Variants in SH2D6 observed in about 807,000 individuals in gnomAD.
SH2D6 encodes the protein SH2 domain containing 6, also known as SH2 domain-containing protein 6.
SH2D6 carries 31 observed loss-of-function variants against 30.2 expected under a neutral mutation model. The ratio of observed to expected loss-of-function variants is 1.03; its 90% confidence interval spans 0.77 to 1.38. The LOEUF is 1.38. Ranked by LOEUF, SH2D6 falls within the 40% of genes most tolerant of loss-of-function variation. SH2D6 has a pLI of 0.00. For synonymous variants in SH2D6, 93 were observed against 104.6 expected (o/e 0.89, Z 0.68); for missense variants, 240 against 266.8 (o/e 0.90, Z 0.70).
intron 14 of SH2D6, among the ~76,000 whole-genome samples, chr2:85,432,610 C>T (rs966268196): frequency 6.6e-6 from 1 of 151,920 alleles, no homozygotes; most frequent in Non-Finnish European, 1.5e-5. Context: ...CCGTGTTAGC[C>T]AGGATGGTCT....
At chr2:85,435,530 AC>A in intron 21 of SH2D6, 34 bp downstream of exon 21, 1 of 1,606,498 alleles carries the variant, frequency 6.2e-7, no homozygotes, top group Non-Finnish European at 8.5e-7. Context: ...CTTCTCCAAA[AC>A]CCCTTTTGCT....
intron 2 of SH2D6, among the ~76,000 whole-genome samples, chr2:85,419,956 T>C (rs758649065): frequency 6.6e-6 from 1 of 152,220 alleles, no homozygotes; most frequent in Non-Finnish European, 1.5e-5. Context: ...GGTTTGGTTT[T>C]CTGAGTGTTT....
At position 85,436,526 on chromosome 2, in the gene SH2D6, G is replaced by A; in HGVS notation, c.952G>A (p.Asp318Asn). 1 of 1,613,726 alleles carries A rather than the reference G, an allele frequency of 6.2e-7. No individual in the cohort carries two copies. Among genetic ancestry groups the A allele is most frequent in the South Asian group, 1.1e-5 (1 of 91,088 alleles). The stretch of plus-strand genomic sequence containing the variant: ...CATGTGGCACCCTCTGCCCCTTGTG[G>A]ACAGACACAGCGGCAGCCGGGAACT... ...HFMWHPLPLVDRHSGSRELTC... is the reference protein window; with the variant it reads ...HFMWHPLPLVNRHSGSRELTC... Residue 318 changes from aspartate (D) to asparagine (N), a missense_variant, in exon 23 of 24, where the codon GAC (aspartate) becomes AAC (asparagine). Transcript: ENST00000469800.
At chr2:85,435,162 C>A (rs775277017) in intron 20 of SH2D6, 39 bp downstream of exon 20, 1 of 1,591,528 alleles carries the variant, frequency 6.3e-7, no homozygotes, top group Non-Finnish European at 8.6e-7. Flanking sequence ...GGAGAGGTTC[C>A]GGGAGCAGAG....
intron 2 of SH2D6, chr2:85,420,990 G>A (rs1687729649): frequency 6.6e-6 from 1 of 152,468 alleles, no homozygotes; most frequent in East Asian, 1.9e-4. Context: ...GAGGGAGGGT[G>A]ATCTCAGGGC....
At chr2:85,434,982 C>A (rs1427675918) in intron 19 of SH2D6, 83 bp from the exon 20 acceptor site, 1 of 1,562,400 alleles carries the variant, frequency 6.4e-7, no homozygotes, top group Non-Finnish European at 8.7e-7. Context: ...ACCCCCCACC[C>A]CCGCAGCTGT....
intron 21 of SH2D6, 45 bp downstream of exon 21, chr2:85,435,541 T>C: frequency 6.2e-7 from 1 of 1,604,172 alleles, no homozygotes. Context: ...CCCCTTTTGC[T>C]CACAGGCTGT....
At chr2:85,432,607 A>G (rs1688867089) in intron 14 of SH2D6, among the ~76,000 whole-genome samples, 1 of 151,908 alleles carries the variant, frequency 6.6e-6, no homozygotes, top group East Asian at 1.9e-4. Flanking sequence ...TCACCGTGTT[A>G]GCCAGGATGG....
chr2:85,435,238 C>T, intron 20 of SH2D6, 115 bp downstream of exon 20: 1 of 1,281,088 alleles, frequency 7.8e-7, no homozygotes, highest in Non-Finnish European at 1.1e-6. Context: ...ACACATTGAA[C>T]ACACGTGTGC....
chr2:85,423,874 C>T (rs1250382160), intron 5 of SH2D6, among the ~76,000 whole-genome samples: 1 of 152,266 alleles, frequency 6.6e-6, no homozygotes, highest in Non-Finnish European at 1.5e-5. Flanking sequence ...CTGGCTTTAA[C>T]TTGAACCCAA....
In SH2D6 at chr2:85,436,593, A is replaced by G; in HGVS notation, c.*11A>G. On this transcript the variant is annotated splice_region_variant and 3_prime_UTR_variant, in exon 23 of 24. Coordinates refer to ENST00000469800, the MANE Select transcript of SH2D6 (RefSeq NM_001394463.1). Reference sequence around the variant, plus strand: ...CCCACCAAGCCTTGAGGCCACAGCGAAGTACACACCGCCTTTGGCCCCAGT... The same window carrying G: ...CCCACCAAGCCTTGAGGCCACAGCGGAGTACACACCGCCTTTGGCCCCAGT... 1 of 1,610,212 alleles carries G rather than the reference A, an allele frequency of 6.2e-7. No individual in the cohort carries two copies.
chr2:85,423,798 A>G (rs531539572), intron 5 of SH2D6, among the ~76,000 whole-genome samples: 3 of 152,210 alleles, frequency 2.0e-5, no homozygotes, highest in African/African-American at 7.2e-5. Context: ...AGCCAGCCCC[A>G]TCATCCATTG....
Position 85,435,663 on chromosome 2 carries a change from C to A in SH2D6, c.733-3C>A, listed in dbSNP as rs750997317. The A allele has an allele frequency of 6.3e-7, 1 of 1,595,386 alleles. No homozygotes were observed. Among genetic ancestry groups the A allele is most frequent in the Non-Finnish European group, 8.5e-7 (1 of 1,170,180 alleles). ...AGGTTGATGGCTGGGGTCTCCTCCA[C>A]AGGATGGGGCCTATACCGTGCGCCC... On this transcript the variant is annotated splice_polypyrimidine_tract_variant and splice_region_variant and intron_variant, in intron 21 of 23. Coordinates refer to ENST00000469800, the MANE Select transcript of SH2D6 (RefSeq NM_001394463.1).
intron 19 of SH2D6, 39 bp from the exon 20 acceptor site, chr2:85,435,016 CCCCCACCCCA>C (rs748365171): frequency 1.3e-5 from 19 of 1,508,060 alleles, no homozygotes; most frequent in Admixed American, 6.7e-5. Context: ...CCTTTGCCCA[CCCCCACCCCA>C]CCCCACCCCA....
intron 13 of SH2D6, 28 bp from the exon 14 acceptor site, chr2:85,431,871 G>A (rs552885619): frequency 2.0e-5 from 3 of 152,724 alleles, no homozygotes; most frequent in African/African-American, 7.2e-5. Flanking sequence ...CTCACCATCT[G>A]CGCTCACCAG....
intron 5 of SH2D6, among the ~76,000 whole-genome samples, chr2:85,424,832 C>G (rs775773823): frequency 5.3e-5 from 8 of 151,880 alleles, no homozygotes; most frequent in African/African-American, 1.7e-4. Context: ...CTTTGGGAGG[C>G]CGAGGCAGGT....
intron 6 of SH2D6, among the ~76,000 whole-genome samples, chr2:85,426,230 T>C (rs1156369102): frequency 6.6e-6 from 1 of 152,192 alleles, no homozygotes; most frequent in Non-Finnish European, 1.5e-5. Flanking sequence ...GGGTCCCGGC[T>C]ACACTTCGCC....
chr2:85,430,026 CAG>C lies in SH2D6; in HGVS notation c.64+12_64+13del, dbSNP rs1217219966. On this transcript the variant is annotated intron_variant, in intron 10 of 23. Coordinates refer to ENST00000469800, the MANE Select transcript of SH2D6 (RefSeq NM_001394463.1). The surrounding 1 kb of genome is among the most constrained non-coding windows in gnomAD (Gnocchi z 4.3). ...CCCCCAGATGTGTGGGTAAGTGACA[CAG>C]GGGGTCAGAGGGGCCCAACAGACTG... 2 of 152,654 alleles carry C rather than the reference CAG, an allele frequency of 1.3e-5. No individual in the cohort carries two copies. Among genetic ancestry groups the C allele is most frequent in the Non-Finnish European group, 2.9e-5 (2 of 68,134 alleles). The allele number at this position is 152,654 out of a possible 1,614,324, so 9.5% of individuals were successfully genotyped here.
chr2:85,431,010 CT>C (rs1688557029), intron 12 of SH2D6, among the ~76,000 whole-genome samples, 199 bp from the exon 13 acceptor site: 1 of 152,038 alleles, frequency 6.6e-6, no homozygotes, highest in Non-Finnish European at 1.5e-5. Context: ...CCCACCCCCA[CT>C]GCTCAGCTCC....
Sources: allele counts gnomAD v4.1 joint callset (sites outside exome capture counted in the v4.1 genomes callset), GRCh38; gene constraint gnomAD v4.1.1; non-coding constraint Gnocchi (gnomAD v3.1); transcripts MANE v1.5; gene names NCBI Gene and HGNC (gene_info 2026-07-23, HGNC 2026-07-21).